Variants in CSMD1 observed in about 807,000 individuals in gnomAD.
CSMD1 encodes CUB and Sushi multiple domains 1.
A neutral mutation model predicts 417.5 loss-of-function variants in CSMD1; 213 were observed. The observed-to-expected ratio is 0.51, with a 90% CI of 0.46 to 0.57. The LOEUF (loss-of-function observed/expected upper bound fraction) is 0.57. CSMD1 is among the 20% of genes least tolerant of loss of function. The pLI is 0.00. For missense variants in CSMD1, 6,923 were observed against 4,529.7 expected (o/e 1.53, Z -15.17); for synonymous variants, 2,862 against 1,736.8 (o/e 1.65, Z -16.11).
intron 7 of CSMD1, among the ~76,000 whole-genome samples, chr8:3,646,920 C>CA (rs528063319): frequency 8.6e-5 from 13 of 152,030 alleles, no homozygotes; most frequent in Admixed American, 1.3e-4. Context: ...AGGGCAGATA[C>CA]AAAAAAAATT....
chr8:3,357,461 C>T (rs1175023529), intron 21 of CSMD1, among the ~76,000 whole-genome samples: 1 of 152,218 alleles, frequency 6.6e-6, no homozygotes, highest in Middle Eastern at 3.2e-3. Flanking sequence ...CCTAGTCTAC[C>T]ACACACTGTT....
chr8:4,948,749 G>C (rs1463612182), intron 1 of CSMD1, among the ~76,000 whole-genome samples: 1 of 152,038 alleles, frequency 6.6e-6, no homozygotes, highest in Non-Finnish European at 1.5e-5. Flanking sequence ...AAAAGTGATA[G>C]TTTAGTTTCT....
intron 2 of CSMD1, among the ~76,000 whole-genome samples, chr8:4,508,103 AC>A (rs1437316228): frequency 3.4e-5 from 5 of 148,534 alleles, no homozygotes; most frequent in African/African-American, 1.2e-4. Flanking sequence ...AAAAAAAAAA[AC>A]CCCAAAAAAC....
intron 7 of CSMD1, among the ~76,000 whole-genome samples, chr8:3,659,393 C>T (rs967157170): frequency 1.1e-4 from 16 of 152,192 alleles, no homozygotes; most frequent in African/African-American, 3.9e-4. Context: ...CACTTAGACA[C>T]AGGTAACGGG....
At chr8:3,227,618 T>G (rs1798591110) in intron 27 of CSMD1, among the ~76,000 whole-genome samples, 1 of 152,148 alleles carries the variant, frequency 6.6e-6, no homozygotes, top group Non-Finnish European at 1.5e-5. Flanking sequence ...GAGAGTGGCA[T>G]CAGTGGTGTA....
rs116822437 is a variant in CSMD1, at chr8:4,004,046, A to T, written c.611-5936T>A. On this transcript the variant is annotated intron_variant, in intron 4 of 69. Coordinates refer to ENST00000635120, the MANE Select transcript of CSMD1 (RefSeq NM_033225.6). ...AATCACCATAAATACTCTATAGTAA[A>T]ACAGAAAAAAGGGTATAATGTCTGA... 3.7e-3 allele frequency among the ~76,000 whole-genome samples: 567 copies of T among 152,372 alleles called. 5 individuals are homozygous for T. The highest frequency in any genetic ancestry group is 0.013 in the African/African-American group (528 of 41,596).
intron 1 of CSMD1, among the ~76,000 whole-genome samples, chr8:4,724,044 T>C (rs1311040282): frequency 1.3e-5 from 2 of 152,144 alleles, no homozygotes; most frequent in Admixed American, 1.3e-4. Flanking sequence ...CACTGAATGA[T>C]TCTTCTAGTA....
chr8:4,556,389 C>T (rs1317058325), intron 2 of CSMD1, among the ~76,000 whole-genome samples: 1 of 151,990 alleles, frequency 6.6e-6, no homozygotes, highest in Non-Finnish European at 1.5e-5. Flanking sequence ...ATTTTAAGAG[C>T]ATTGTAAGCT....
At chr8:3,759,281 T>G (rs1435597556) in intron 5 of CSMD1, among the ~76,000 whole-genome samples, 1 of 152,176 alleles carries the variant, frequency 6.6e-6, no homozygotes, top group Non-Finnish European at 1.5e-5. Flanking sequence ...TACGGCCTGT[T>G]AATCAGAATG....
At chr8:3,634,567 G>A (rs1253309848) in intron 7 of CSMD1, among the ~76,000 whole-genome samples, 2 of 152,062 alleles carry the variant, frequency 1.3e-5, no homozygotes, top group African/African-American at 4.8e-5. Flanking sequence ...TCTTTTCACT[G>A]TCACAAGCCA....
Position 3,753,873 on chromosome 8 carries a change from G to C in CSMD1, c.931+57C>G, listed in dbSNP as rs911663056. 29 of 1,242,916 alleles carry C rather than the reference G, an allele frequency of 2.3e-5. No homozygotes were observed. In the South Asian group the frequency reaches 3.3e-4, roughly 14 times the overall value. The allele number at this position is 1,242,916 out of a possible 1,614,324, so 77.0% of individuals were successfully genotyped here. The stretch of plus-strand genomic sequence containing the variant: ...CTCCTAAAATTTCATGGCTAGAAAG[G>C]ATCAAAATATATTACGCTCTGTTTT... On this transcript the variant is annotated intron_variant, in intron 6 of 69. Coordinates refer to ENST00000635120, the MANE Select transcript of CSMD1 (RefSeq NM_033225.6).
chr8:4,473,103 G>A (rs965629065), intron 2 of CSMD1, among the ~76,000 whole-genome samples: 2 of 151,918 alleles, frequency 1.3e-5, no homozygotes, highest in South Asian at 2.1e-4. Flanking sequence ...TTCTCTACTT[G>A]TGTTTGAATT....
intron 3 of CSMD1, among the ~76,000 whole-genome samples, chr8:4,248,673 T>C (rs1008342520): frequency 6.6e-6 from 1 of 152,162 alleles, no homozygotes; most frequent in Non-Finnish European, 1.5e-5. Flanking sequence ...ATCAGCCTCC[T>C]GTCCTGCCCT....
intron 3 of CSMD1, among the ~76,000 whole-genome samples, chr8:4,130,758 G>C (rs901200772): frequency 5.9e-5 from 9 of 151,812 alleles, no homozygotes; most frequent in African/African-American, 1.9e-4. Context: ...TTTTGAGGTG[G>C]TTAACATTTT....
intron 7 of CSMD1, among the ~76,000 whole-genome samples, chr8:3,630,110 A>T (rs900515465): frequency 6.6e-6 from 1 of 152,252 alleles, no homozygotes; most frequent in Non-Finnish European, 1.5e-5. Flanking sequence ...TAGAAAGTTA[A>T]TTGTAGCCAG....
intron 1 of CSMD1, among the ~76,000 whole-genome samples, chr8:4,750,074 C>T (rs575257785): frequency 5.3e-5 from 8 of 152,144 alleles, no homozygotes; most frequent in South Asian, 2.1e-4. Flanking sequence ...TGGGCGATCT[C>T]GGCTCACCGC....
intron 23 of CSMD1, among the ~76,000 whole-genome samples, chr8:3,342,204 T>A (rs1402938099): frequency 6.6e-6 from 1 of 152,220 alleles, no homozygotes; most frequent in East Asian, 1.9e-4. Context: ...GCCAAAGTCT[T>A]ACAATTCTTC....
intron 3 of CSMD1, among the ~76,000 whole-genome samples, chr8:4,330,588 T>TGAA (rs1799812327): frequency 1.4e-5 from 1 of 73,054 alleles, no homozygotes; most frequent in Non-Finnish European, 3.5e-5. Flanking sequence ...AAACCCTGTC[T>TGAA]CAAAAAAAAA....
At chr8:3,615,252 C>T (rs902873192) in intron 8 of CSMD1, among the ~76,000 whole-genome samples, 5 of 152,050 alleles carry the variant, frequency 3.3e-5, no homozygotes, top group African/African-American at 1.2e-4. Context: ...AAAGTGGGTA[C>T]AAAAGGTGAG....
Sources: gnomAD v4.1 joint callset for allele counts (sites outside exome capture counted in the v4.1 genomes callset) on GRCh38, gnomAD v4.1.1 for gene constraint, MANE v1.5 for transcripts, NCBI Gene and HGNC (gene_info 2026-07-23, HGNC 2026-07-21) for gene names.